The following PSMD14 variants were observed in gnomAD, a reference collection of about 807,000 sequenced individuals.
The protein encoded by PSMD14 is ubiquitin C-terminal hydrolase PSMD14.
In PSMD14, 7 loss-of-function variants were observed where a neutral mutation model predicts 41.2. That is an observed-to-expected ratio of 0.17 (90% CI 0.10 to 0.32). The LOEUF is 0.32. Ranked by LOEUF, PSMD14 falls within the 10% of genes least tolerant of loss-of-function variation. The pLI, the probability that PSMD14 is intolerant of heterozygous loss-of-function variation, is 1.00. For missense variants in PSMD14, 139 were observed against 375.6 expected, an observed-to-expected ratio of 0.37 and a Z score of 5.21; for synonymous variants, 114 against 122.3, an observed-to-expected ratio of 0.93 and a Z score of 0.45.
chr2:161,344,281 T>C (rs1683010488), intron 3 of PSMD14, among the ~76,000 whole-genome samples: 1 of 152,172 alleles, frequency 6.6e-6, no homozygotes, highest in Non-Finnish European at 1.5e-5. Context: ...AGATATTCAT[T>C]TCTCATAGTT....
At chr2:161,401,035 T>C (rs1683871571) in intron 10 of PSMD14, among the ~76,000 whole-genome samples, 1 of 152,234 alleles carries the variant, frequency 6.6e-6, no homozygotes, top group Non-Finnish European at 1.5e-5. Context: ...AATTGCTTGA[T>C]ATGTACTATA....
At chr2:161,392,172 C>A (rs529334899) in intron 9 of PSMD14, among the ~76,000 whole-genome samples, 7 of 152,102 alleles carry the variant, frequency 4.6e-5, no homozygotes, top group Non-Finnish European at 7.4e-5. Context: ...CAATCTGAAC[C>A]AGTTTCCCCC....
At chr2:161,352,842 A>G (rs1351393163) in intron 3 of PSMD14, among the ~76,000 whole-genome samples, 1 of 152,184 alleles carries the variant, frequency 6.6e-6, no homozygotes, top group Non-Finnish European at 1.5e-5. Context: ...CAGGAAGGTT[A>G]TTTGTATTCT....
At chr2:161,396,056 A>G (rs1482691904) in intron 10 of PSMD14, among the ~76,000 whole-genome samples, 1 of 152,232 alleles carries the variant, frequency 6.6e-6, no homozygotes, top group East Asian at 1.9e-4. Context: ...ACTACCATAG[A>G]GAAGACCATG....
intron 3 of PSMD14, among the ~76,000 whole-genome samples, chr2:161,321,764 A>G (rs1210965568): frequency 9.9e-5 from 15 of 152,164 alleles, no homozygotes; most frequent in Admixed American, 9.8e-4. Context: ...GATTAGGAGG[A>G]CCAGTGAAAT....
At chr2:161,322,623 C>T (rs1054595262) in intron 3 of PSMD14, among the ~76,000 whole-genome samples, 1 of 151,812 alleles carries the variant, frequency 6.6e-6, no homozygotes, top group Non-Finnish European at 1.5e-5. Context: ...CTCCTGACCT[C>T]AAGTGATCTG....
chr2:161,332,521 T>G (rs1027176858), intron 3 of PSMD14, among the ~76,000 whole-genome samples: 3 of 152,208 alleles, frequency 2.0e-5, no homozygotes, highest in African/African-American at 4.8e-5. Context: ...ACTTGCCAAT[T>G]AGCCATCAAG....
At chr2:161,366,749 C>G (rs1003226583) in intron 3 of PSMD14, among the ~76,000 whole-genome samples, 24 of 152,210 alleles carry the variant, frequency 1.6e-4, no homozygotes, top group South Asian at 1.2e-3. Context: ...ATGTCAGTTA[C>G]CTTGTGCAGG....
chr2:161,403,680 GTGT>G (rs1225984827), intron 10 of PSMD14, among the ~76,000 whole-genome samples: 7 of 151,892 alleles, frequency 4.6e-5, no homozygotes, highest in Non-Finnish European at 1.0e-4. Flanking sequence ...TATCACTGTT[GTGT>G]TGTTGAAATA....
intron 3 of PSMD14, chr2:161,341,172 C>G: frequency 1.0e-6 from 1 of 971,722 alleles, no homozygotes; most frequent in Non-Finnish European, 1.2e-6. Flanking sequence ...CGCCGGGGCC[C>G]CGGTGGCCTC....
rs990865280 is a variant in PSMD14, at chr2:161,411,558, A to G, written c.*158A>G. 1 of 410,492 alleles carries G rather than the reference A, an allele frequency of 2.4e-6. No individual in the cohort carries two copies. Among genetic ancestry groups the G allele is most frequent in the African/African-American group, 2.1e-5 (1 of 48,404 alleles). The allele number at this position is 410,492 out of a possible 1,614,324, so 25.4% of individuals were successfully genotyped here. ...CACCTTCAGTCTCAGTTGTGCAATT[A>G]CTTCTGTTTCTTTAGTCAGGGTCTT... is the stretch of plus-strand genomic sequence containing the variant. On this transcript the variant is annotated 3_prime_UTR_variant, in exon 12 of 12. Transcript: ENST00000409682.
chr2:161,371,569 G>C (rs1415343285), intron 7 of PSMD14, among the ~76,000 whole-genome samples: 2 of 151,902 alleles, frequency 1.3e-5, no homozygotes, highest in African/African-American at 4.8e-5. Context: ...TAAATTTTTT[G>C]AATTTCATAA....
intron 3 of PSMD14, among the ~76,000 whole-genome samples, chr2:161,336,566 T>A (rs1682873685): frequency 6.6e-6 from 1 of 152,044 alleles, no homozygotes; most frequent in South Asian, 2.1e-4. Context: ...ATATTTATTA[T>A]TTATTTATTT....
At chr2:161,347,325 A>G (rs1204112806) in intron 3 of PSMD14, among the ~76,000 whole-genome samples, 1 of 151,834 alleles carries the variant, frequency 6.6e-6, no homozygotes, top group Non-Finnish European at 1.5e-5. Context: ...TTATTTATTT[A>G]TTTTTTGGGA....
At chr2:161,313,936 T>G (rs1369219312) in intron 1 of PSMD14, among the ~76,000 whole-genome samples, 2 of 152,212 alleles carry the variant, frequency 1.3e-5, no homozygotes, top group Non-Finnish European at 1.5e-5. Flanking sequence ...TACAGTTTAG[T>G]GGCATTAAGT....
intron 5 of PSMD14, among the ~76,000 whole-genome samples, chr2:161,368,163 A>AG (rs1683384357): frequency 6.6e-6 from 1 of 151,718 alleles, no homozygotes. Context: ...CTGGTGTAAA[A>AG]TACTGGATTT....
At chr2:161,344,829 C>T (rs927038063) in intron 3 of PSMD14, among the ~76,000 whole-genome samples, 1 of 152,176 alleles carries the variant, frequency 6.6e-6, no homozygotes, top group Non-Finnish European at 1.5e-5. Flanking sequence ...TATTATCTCT[C>T]AGTCTATGGC....
chr2:161,404,629 G>C (rs116384042), intron 10 of PSMD14, among the ~76,000 whole-genome samples: 1 of 152,092 alleles, frequency 6.6e-6, no homozygotes, highest in African/African-American at 2.4e-5. Context: ...TTTCATGACA[G>C]AGTATGGCGC....
At chr2:161,324,633 C>CT (rs553134295) in intron 3 of PSMD14, among the ~76,000 whole-genome samples, 3,904 of 131,776 alleles carry the variant, frequency 0.03, 62 homozygotes, top group African/African-American at 0.047. Flanking sequence ...TTCTTTCTTT[C>CT]TTTTTTTTTT....
Sources: gnomAD v4.1 joint callset for allele counts (sites outside exome capture counted in the v4.1 genomes callset) on GRCh38, gnomAD v4.1.1 for gene constraint, MANE v1.5 for transcripts, NCBI Gene and HGNC (gene_info 2026-07-23, HGNC 2026-07-21) for gene names.